MPRIP: variants seen among roughly 807,000 people sequenced by gnomAD.
MPRIP encodes myosin phosphatase Rho-interacting protein.
In MPRIP, 59 loss-of-function variants were observed where a neutral mutation model predicts 234.9. The observed-to-expected ratio is 0.25, with a 90% CI of 0.20 to 0.31. The LOEUF is 0.31. MPRIP is among the 10% of genes least tolerant of loss of function. The probability of loss-of-function intolerance (pLI) is 1.00; values close to 1 mark genes in which losing one functional copy is unlikely to be tolerated. For missense variants in MPRIP, 2,436 were observed against 3,071.0 expected (o/e 0.79, Z 4.89); for synonymous variants, 1,144 against 1,263.9 (o/e 0.91, Z 2.01).
chr17:17,110,848 A>G (rs1157640691), intron 3 of MPRIP, among the ~76,000 whole-genome samples: 1 of 152,200 alleles, frequency 6.6e-6, no homozygotes, highest in Non-Finnish European at 1.5e-5. Context: ...TGTTGCAGCC[A>G]AAAGGAGCCT....
intron 3 of MPRIP, among the ~76,000 whole-genome samples, chr17:17,118,298 TCGGGTGTAGAATGGG>T: frequency 6.6e-6 from 1 of 152,174 alleles, no homozygotes; most frequent in East Asian, 1.9e-4. Context: ...CCAAAAGCCA[TCGGGTGTAGAATGGG>T]CATCCAACTC....
chr17:17,046,158 C>A (rs995139836), intron 1 of MPRIP, among the ~76,000 whole-genome samples: 1 of 152,150 alleles, frequency 6.6e-6, no homozygotes. Context: ...ATTTGCTCTG[C>A]GACATATTTT....
chr17:17,072,884 CCT>C (rs1366290479), intron 1 of MPRIP, among the ~76,000 whole-genome samples: 2 of 152,118 alleles, frequency 1.3e-5, no homozygotes, highest in East Asian at 1.9e-4. Flanking sequence ...CAGGCCTCCC[CCT>C]GTTATCTATG....
chr17:17,043,028 C>T lies in MPRIP; in HGVS notation c.123+57C>T, dbSNP rs568121895. On this transcript the variant is annotated intron_variant, in intron 1 of 23. Transcript: ENST00000651222. ...GTTCTGGGAGCCGCGGGTCGGCGGC[C>T]GGGGCGCCGCCAAGGGCTGCAGGGA... 1.2e-5 allele frequency: 19 copies of T among 1,557,548 alleles called. No homozygotes were observed. In the East Asian group the frequency reaches 3.5e-4, roughly 29 times the overall value.
chr17:17,178,309 T>C (rs1002321074), intron 22 of MPRIP: 7 of 152,082 alleles, frequency 4.6e-5, no homozygotes, highest in South Asian at 2.1e-4. Flanking sequence ...CTCACTAATA[T>C]CAAAAAAGAA....
Position 17,128,073 on chromosome 17 carries a change from A to G in MPRIP, c.419+1220A>G, listed in dbSNP as rs549752630. Reference sequence around the variant, plus strand: ...CAAGAATGTCAAGGGCCTCTGAAGAACCCTCGTGGTACAGTCGAGGAGACC... The same window carrying G: ...CAAGAATGTCAAGGGCCTCTGAAGAGCCCTCGTGGTACAGTCGAGGAGACC... On this transcript the variant is annotated intron_variant, in intron 4 of 23. Transcript: ENST00000651222. 2.6e-5 allele frequency among the ~76,000 whole-genome samples: 4 copies of G among 152,222 alleles called. No homozygotes were observed. In the East Asian group the frequency reaches 7.7e-4, roughly 29 times the overall value.
chr17:17,172,324 G>A (rs572332493), intron 17 of MPRIP, among the ~76,000 whole-genome samples: 17 of 152,320 alleles, frequency 1.1e-4, no homozygotes, highest in Non-Finnish European at 1.8e-4. Context: ...TTATGTAATC[G>A]CCACCTCAGT....
At chr17:17,180,201 C>G (rs1465150401) in intron 23 of MPRIP, 113 bp downstream of exon 23, 1 of 938,580 alleles carries the variant, frequency 1.1e-6, no homozygotes, top group Non-Finnish European at 1.6e-6. Flanking sequence ...GCCCCAGGGC[C>G]CAGCACTGAG....
intron 3 of MPRIP, among the ~76,000 whole-genome samples, chr17:17,106,811 G>GAT (rs2090071783): frequency 6.6e-6 from 1 of 152,192 alleles, no homozygotes; most frequent in African/African-American, 2.4e-5. Context: ...AGGCTAGAAG[G>GAT]ATAGGTCTTC....
Position 17,150,169 on chromosome 17 carries a change from A to C in MPRIP, c.1655A>C (p.Asp552Ala), listed in dbSNP as rs1437559016. The C allele has an allele frequency of 8.7e-6, 14 of 1,613,560 alleles. No individual in the cohort carries two copies. The highest frequency in any genetic ancestry group is 1.2e-5 in the Non-Finnish European group (14 of 1,179,862). The change falls in exon 12 of 24, where the codon GAC (aspartate) becomes GCC (alanine). Residue 552 changes from aspartate to alanine, a missense_variant. Transcript: ENST00000651222. The stretch of plus-strand genomic sequence containing the variant: ...GCAGCCGACTTGGATGGAGAAATTG[A>C]CTTGTCCGCATGTTACGATGTCACA... ...EEAADLDGEI[D>A]LSACYDVTEY...
chr17:17,090,953 A>ATCCTGGG (rs1442546071), intron 3 of MPRIP, among the ~76,000 whole-genome samples: 2 of 152,050 alleles, frequency 1.3e-5, no homozygotes, highest in African/African-American at 4.8e-5. Context: ...GCAGGTATTT[A>ATCCTGGG]CACCTCTGCC....
intron 4 of MPRIP, among the ~76,000 whole-genome samples, chr17:17,127,790 A>G (rs997019172): frequency 2.0e-5 from 3 of 152,212 alleles, no homozygotes; most frequent in South Asian, 2.1e-4. Context: ...GAACACACAG[A>G]TGACTCGGAG....
intron 4 of MPRIP, 71 bp downstream of exon 4, chr17:17,126,924 C>T (rs1422032004): frequency 1.3e-6 from 2 of 1,553,942 alleles, no homozygotes; most frequent in Admixed American, 1.8e-5. Context: ...GGGCCGCCTG[C>T]CCCTGTGGCA....
chr17:17,178,160 C>T (rs950711344), intron 22 of MPRIP, among the ~76,000 whole-genome samples: 4 of 152,006 alleles, frequency 2.6e-5, no homozygotes, highest in Admixed American at 6.6e-5. Flanking sequence ...TGGGCTCAAG[C>T]GATCCAGCCA....
intron 3 of MPRIP, among the ~76,000 whole-genome samples, chr17:17,095,410 C>T (rs998257815): frequency 9.2e-5 from 14 of 152,138 alleles, no homozygotes; most frequent in African/African-American, 2.7e-4. Context: ...CTAGAATGTC[C>T]GCACGTACGA....
At chr17:17,128,723 C>T (rs541243833) in intron 4 of MPRIP, among the ~76,000 whole-genome samples, 35 of 152,320 alleles carry the variant, frequency 2.3e-4, no homozygotes, top group African/African-American at 7.5e-4. Flanking sequence ...CCTCGTGATC[C>T]GCCCTCACCT....
chr17:17,072,923 T>A (rs576156590), intron 1 of MPRIP, among the ~76,000 whole-genome samples: 27 of 152,314 alleles, frequency 1.8e-4, no homozygotes, highest in Non-Finnish European at 3.2e-4. Context: ...GGCTTTTTTT[T>A]AATAGCTTTA....
rs779918960 is a variant in MPRIP, at chr17:17,143,669, G to C, written c.1503G>C (p.Thr501=). Residue 501 remains threonine (T), a splice_region_variant and synonymous_variant, in exon 9 of 24, where the codon ACG becomes ACC. Transcript: ENST00000651222. ...GGAGGTCCACGGAGCCCTCCGTGAC[G>C]GTGAGCCCAGGCGCCGCGTCCTCCG... The part of the protein sequence containing the change: ...LDRRSTEPSV[T]PDLLNFKKGW... 3 of 1,590,200 alleles carry C rather than the reference G, an allele frequency of 1.9e-6. No individual in the cohort carries two copies. Among genetic ancestry groups the C allele is most frequent in the Non-Finnish European group, 2.6e-6 (3 of 1,166,208 alleles).
At chr17:17,057,581 C>G (rs1295870354) in intron 1 of MPRIP, 1 of 717,566 alleles carries the variant, frequency 1.4e-6, no homozygotes, top group Non-Finnish European at 2.6e-6. Context: ...GGGAAAAGGC[C>G]TTTGCTACGC....
Sources: gnomAD v4.1 joint callset for allele counts (sites outside exome capture counted in the v4.1 genomes callset) on GRCh38, gnomAD v4.1.1 for gene constraint, MANE v1.5 for transcripts, NCBI Gene and HGNC (gene_info 2026-07-23, HGNC 2026-07-21) for gene names.